The following FGL1 variants were observed in gnomAD, a reference collection of about 807,000 sequenced individuals.
FGL1 encodes the protein fibrinogen like 1.
In FGL1, 59 loss-of-function variants were observed where a neutral mutation model predicts 43.7. That is an observed-to-expected ratio of 1.35 (90% CI 1.10 to 1.68). FGL1 has a LOEUF of 1.68. FGL1 is among the 40% of genes most tolerant of loss of function. The pLI, the probability that FGL1 is intolerant of heterozygous loss-of-function variation, is 0.00. For missense variants in FGL1, 596 were observed against 373.0 expected (o/e 1.60, Z -4.92); for synonymous variants, 192 against 126.5 (o/e 1.52, Z -3.48).
intron 1 of FGL1, among the ~76,000 whole-genome samples, chr8:17,895,058 A>G (rs2053755321): frequency 6.6e-6 from 1 of 151,902 alleles, no homozygotes; most frequent in Non-Finnish European, 1.5e-5. Context: ...CAATAATCAA[A>G]AAGGCACCCC....
chr8:17,873,283 T>C (rs563682585), intron 5 of FGL1, among the ~76,000 whole-genome samples: 2 of 152,252 alleles, frequency 1.3e-5, no homozygotes, highest in Admixed American at 1.3e-4. Context: ...ATACATCCAC[T>C]CTTTTTTGTG....
Position 17,895,454 on chromosome 8 carries a change from C to G in FGL1, c.-25G>C. On this transcript the variant is annotated 5_prime_UTR_variant, in exon 1 of 8. Coordinates refer to ENST00000427924, the MANE Select transcript of FGL1 (RefSeq NM_004467.4). ...AGACATTAAATAACTTGCCTAAAGTCAGAAGTGAGTCAGAGACCCAGCTCA... is the reference window on the plus strand; with the variant it reads ...AGACATTAAATAACTTGCCTAAAGTGAGAAGTGAGTCAGAGACCCAGCTCA... The G allele has an allele frequency of 7.8e-7, 1 of 1,283,852 alleles. No homozygotes were observed. Among genetic ancestry groups the G allele is most frequent in the Non-Finnish European group, 1.0e-6 (1 of 984,324 alleles). 79.5% of individuals were successfully genotyped at this position (1,283,852 alleles called of 1,614,324 possible). A position where few individuals can be genotyped will look rare whatever the true frequency, so the allele number is the denominator to read the frequency against.
chr8:17,880,993 G>T (rs961370219), intron 3 of FGL1, among the ~76,000 whole-genome samples: 1 of 151,896 alleles, frequency 6.6e-6, no homozygotes, highest in African/African-American at 2.4e-5. Flanking sequence ...TCCTTTTTCT[G>T]CTCCTTTATT....
In FGL1 at chr8:17,864,640, A is replaced by T. The variant is rs1047303501; in HGVS notation, c.891T>A (p.Ser297=). ...CATTTGGCCTAATTTTCATAACCAC[A>T]GATTTCAGAGAATACCACCACCCAT... The part of the protein sequence containing the change: ...TWHGWWYSLK[S]VVMKIRPNDF... Residue 297 remains serine (S), a synonymous_variant, in exon 8 of 8, where the codon TCT becomes TCA. Transcript: ENST00000427924. 1 of 1,612,656 alleles carries T rather than the reference A, an allele frequency of 6.2e-7. No individual in the cohort carries two copies. Among genetic ancestry groups the T allele is most frequent in the Non-Finnish European group, 8.5e-7 (1 of 1,179,732 alleles).
rs1172701689 is a variant in FGL1, at chr8:17,874,758, T to C, written c.245-237A>G. The C allele has an allele frequency of 9.1e-6, 3 of 328,798 alleles. No individual in the cohort carries two copies. In the Admixed American group the frequency reaches 1.4e-4, roughly 16 times the overall value. 20.4% of individuals were successfully genotyped at this position (328,798 alleles called of 1,614,324 possible). Reference sequence around the variant, plus strand: ...ATAATCATCGAGGAAAAAAGGGGAGTGAAATAAGAATCTAGTTTTTTGTTT... The same window carrying C: ...ATAATCATCGAGGAAAAAAGGGGAGCGAAATAAGAATCTAGTTTTTTGTTT... On this transcript the variant is annotated intron_variant, in intron 3 of 7. Coordinates refer to ENST00000427924, the MANE Select transcript of FGL1 (RefSeq NM_004467.4).
intron 7 of FGL1, among the ~76,000 whole-genome samples, chr8:17,867,184 G>T (rs10093134): frequency 0.42 from 63,611 of 152,070 alleles, 15,765 homozygotes; most frequent in Non-Finnish European, 0.57. Flanking sequence ...TGAAACTACA[G>T]ATAATACCAA....
At chr8:17,870,104 C>T (rs1029585323) in intron 5 of FGL1, among the ~76,000 whole-genome samples, 5 of 151,124 alleles carry the variant, frequency 3.3e-5, no homozygotes, top group African/African-American at 7.3e-5. Flanking sequence ...AGCGAGACTC[C>T]GTCGCAAAAA....
intron 1 of FGL1, 40 bp downstream of exon 1, chr8:17,895,407 T>C: frequency 7.8e-7 from 1 of 1,276,020 alleles, no homozygotes; most frequent in Non-Finnish European, 1.0e-6. Context: ...TTAGCATTAT[T>C]ACAAGCATGT....
intron 3 of FGL1, among the ~76,000 whole-genome samples, chr8:17,881,521 C>T (rs1373053082): frequency 6.6e-6 from 1 of 150,820 alleles, no homozygotes; most frequent in Admixed American, 6.7e-5. Context: ...ACATTAAATG[C>T]CCTGGCAGAG....
chr8:17,882,955 A>G lies in FGL1; in HGVS notation c.64-776T>C, dbSNP rs55704497. On this transcript the variant is annotated intron_variant, in intron 2 of 7. Transcript: ENST00000427924. ...TATAATATATTAAATAATATATAAT[A>G]TATATCATATATAATATATTAAATA... Among the ~76,000 whole-genome samples the G allele has an allele frequency of 9.7e-4, 98 of 101,474 alleles. 4 individuals carry two copies. The highest frequency in any genetic ancestry group is 1.6e-3 in the Non-Finnish European group (94 of 60,588). The allele number at this position is 101,474 out of a possible 152,430, so 66.6% of individuals were successfully genotyped here.
intron 1 of FGL1, among the ~76,000 whole-genome samples, chr8:17,886,111 C>A (rs1222651719): frequency 6.6e-6 from 1 of 152,188 alleles, no homozygotes; most frequent in Non-Finnish European, 1.5e-5. Context: ...GCATTTAATT[C>A]TTGTGGTGAC....
In FGL1 at chr8:17,874,006, A is replaced by G; in HGVS notation, c.502+13T>C. On this transcript the variant is annotated intron_variant, in intron 5 of 7. Transcript: ENST00000427924. ...TTATATTTCAAATAAATCTGACATC[A>G]TTCAAACCTTACCTTGAGTGGTCAA... 1 of 1,568,754 alleles carries G rather than the reference A, an allele frequency of 6.4e-7. No homozygotes were observed. Among genetic ancestry groups the G allele is most frequent in the South Asian group, 1.2e-5 (1 of 83,238 alleles).
chr8:17,891,807 C>T (rs139049677), intron 1 of FGL1: 13,562 of 983,778 alleles, frequency 0.014, 117 homozygotes, highest in Non-Finnish European at 0.015. Context: ...CCATCTTCAC[C>T]CTTCCAGCAA....
intron 1 of FGL1, among the ~76,000 whole-genome samples, chr8:17,889,011 C>T (rs1462926540): frequency 6.6e-6 from 1 of 152,096 alleles, no homozygotes; most frequent in African/African-American, 2.4e-5. Context: ...GCTAAACAGG[C>T]TTGATGGGAC....
rs1585132646 is a variant in FGL1, at chr8:17,874,083, A to G, written c.438T>C (p.Asn146=). Residue 146 remains asparagine (N), a synonymous_variant, in exon 5 of 8, where the codon AAT becomes AAC. Transcript: ENST00000427924. The part of the protein sequence containing the change: ...GWKDYENGFG[N]FVQKHGEYWL... ...AATATTCACCATGTTTTTGGACAAA[A>G]TTTCCAAAGCCATTTTCATAGTCTT... 1 of 1,611,290 alleles carries G rather than the reference A, an allele frequency of 6.2e-7. No homozygotes were observed. The highest frequency in any genetic ancestry group is 1.7e-4 in the Middle Eastern group (1 of 6,060).
At chr8:17,876,052 G>A (rs185384867) in intron 3 of FGL1, among the ~76,000 whole-genome samples, 43 of 152,256 alleles carry the variant, frequency 2.8e-4, no homozygotes, top group African/African-American at 1.0e-3. Context: ...CTAGGTTTTA[G>A]GATGATTGAA....
At chr8:17,867,455 T>G (rs184714442) in intron 7 of FGL1, among the ~76,000 whole-genome samples, 4 of 152,338 alleles carry the variant, frequency 2.6e-5, no homozygotes, top group African/African-American at 9.6e-5. Context: ...TGTTTTTTCC[T>G]ATAATATACA....
intron 3 of FGL1, among the ~76,000 whole-genome samples, chr8:17,880,329 G>T (rs530189485): frequency 4.6e-5 from 7 of 152,356 alleles, no homozygotes; most frequent in Admixed American, 6.5e-5. Flanking sequence ...ATGCGCTACA[G>T]TGTGAGCCAG....
intron 7 of FGL1, among the ~76,000 whole-genome samples, chr8:17,867,327 C>T (rs986961541): frequency 3.3e-5 from 5 of 152,040 alleles, no homozygotes; most frequent in African/African-American, 9.7e-5. Flanking sequence ...CCACTGAGTA[C>T]CCACTGCAGT....
Sources: gnomAD v4.1 joint callset for allele counts (sites outside exome capture counted in the v4.1 genomes callset) on GRCh38, gnomAD v4.1.1 for gene constraint, MANE v1.5 for transcripts, NCBI Gene and HGNC (gene_info 2026-07-23, HGNC 2026-07-21) for gene names.